CEP112: variants seen among roughly 807,000 people sequenced by gnomAD.
The protein encoded by CEP112 is centrosomal protein 112, also known as centrosomal protein of 112 kDa.
CEP112 carries 127 observed loss-of-function variants against 153.0 expected under a neutral mutation model. That is an observed-to-expected ratio of 0.83 (90% CI 0.72 to 0.96). CEP112 has a LOEUF of 0.96. CEP112 is among the 40% of genes least tolerant of loss of function. The pLI, the probability that CEP112 is intolerant of heterozygous loss-of-function variation, is 0.00. For missense variants in CEP112, 1,089 were observed against 1,101.2 expected (o/e 0.99, Z 0.16); for synonymous variants, 358 against 374.4 (o/e 0.96, Z 0.51).
chr17:66,077,032 G>A (rs572122485), intron 8 of CEP112, among the ~76,000 whole-genome samples: 2 of 152,274 alleles, frequency 1.3e-5, no homozygotes, highest in Admixed American at 6.5e-5. Flanking sequence ...GGAATACCCC[G>A]TGGGAAAAAA....
chr17:65,801,789 A>C (rs1389511428), intron 21 of CEP112, among the ~76,000 whole-genome samples: 1 of 152,214 alleles, frequency 6.6e-6, no homozygotes, highest in Admixed American at 6.5e-5. Flanking sequence ...ACATATTTCA[A>C]GTAACTTATT....
At chr17:65,769,622 C>G (rs1242456045) in intron 21 of CEP112, among the ~76,000 whole-genome samples, 1 of 151,938 alleles carries the variant, frequency 6.6e-6, no homozygotes, top group African/African-American at 2.4e-5. Context: ...ACATATATGG[C>G]CAACTAATTT....
rs148928728 is a variant in CEP112, at chr17:66,034,746, T to C, written c.1219-4723A>G. ...TGAAGCAATATTGTGACCTCAGCTA[T>C]CTGTATATCATTGAACAAAGTAACA... On this transcript the variant is annotated intron_variant, in intron 12 of 26. Coordinates refer to ENST00000535342, the MANE Select transcript of CEP112 (RefSeq NM_001199165.4). 2.6e-3 allele frequency among the ~76,000 whole-genome samples: 392 copies of C among 152,044 alleles called. 4 individuals carry two copies. Among genetic ancestry groups the C allele is most frequent in the African/African-American group, 8.7e-3 (361 of 41,482 alleles).
At chr17:65,969,851 A>C (rs1434184480) in intron 17 of CEP112, among the ~76,000 whole-genome samples, 2 of 152,212 alleles carry the variant, frequency 1.3e-5, no homozygotes, top group Non-Finnish European at 2.9e-5. Flanking sequence ...TATATATAGC[A>C]TGCATGCAAA....
chr17:65,916,352 G>C (rs1364891356), intron 19 of CEP112, among the ~76,000 whole-genome samples: 1 of 150,826 alleles, frequency 6.6e-6, no homozygotes, highest in Non-Finnish European at 1.5e-5. Flanking sequence ...CATCACAAGG[G>C]TAAAGACTCT....
chr17:65,851,886 T>C lies in CEP112; in HGVS notation c.2312A>G (p.Asn771Ser), dbSNP rs1411575329. 1.2e-6 allele frequency: 2 copies of C among 1,614,216 alleles called. No homozygotes were observed. The highest frequency in any genetic ancestry group is 8.5e-7 in the Non-Finnish European group (1 of 1,180,022). ...CTTTTCTGATTCAGCCTTCAGTTTA[T>C]TGACGACAATCTCATGTTCCCTTGT... Reference protein sequence around the residue: ...RATREHEIVVNKLKAESEKMK... With the variant: ...RATREHEIVVSKLKAESEKMK... Residue 771 changes from asparagine to serine, a missense_variant, in exon 21 of 27, where the codon AAT becomes AGT. Physicochemically the swap from Asn to Ser is conservative, Grantham distance 46. Transcript: ENST00000535342.
intron 24 of CEP112, among the ~76,000 whole-genome samples, chr17:65,657,577 C>T (rs186046329): frequency 2.6e-5 from 4 of 152,302 alleles, no homozygotes; most frequent in Admixed American, 2.6e-4. Flanking sequence ...GGGTGTTTTT[C>T]ACTTCTGTTT....
intron 20 of CEP112, among the ~76,000 whole-genome samples, chr17:65,868,001 C>A (rs899844908): frequency 6.6e-6 from 1 of 151,276 alleles, no homozygotes; most frequent in Non-Finnish European, 1.5e-5. Flanking sequence ...AACATAAAAT[C>A]GAAGTATATA....
intron 18 of CEP112, among the ~76,000 whole-genome samples, chr17:65,930,965 C>T (rs1334899014): frequency 6.6e-6 from 1 of 152,110 alleles, no homozygotes; most frequent in Non-Finnish European, 1.5e-5. Flanking sequence ...TCTCTCTATG[C>T]TCTAGGACTT....
chr17:65,739,791 C>G (rs1265684833), intron 23 of CEP112, among the ~76,000 whole-genome samples: 3 of 152,100 alleles, frequency 2.0e-5, no homozygotes, highest in Admixed American at 2.0e-4. Context: ...TCTTTTTACA[C>G]TAAAGGAATT....
At chr17:65,715,820 A>G (rs1371779791) in intron 23 of CEP112, among the ~76,000 whole-genome samples, 9 of 152,196 alleles carry the variant, frequency 5.9e-5, no homozygotes, top group Admixed American at 5.9e-4. Flanking sequence ...GGTGGTTATC[A>G]GAGTTGAATG....
intron 16 of CEP112, among the ~76,000 whole-genome samples, chr17:66,022,019 G>A (rs1443285): frequency 0.93 from 141,003 of 152,216 alleles, 65,537 homozygotes; most frequent in East Asian, 0.97. Flanking sequence ...TGGGAATAAC[G>A]TAAGATTCCC....
chr17:65,906,785 A>G (rs73346805), intron 19 of CEP112, among the ~76,000 whole-genome samples: 1,745 of 152,280 alleles, frequency 0.011, 40 homozygotes, highest in African/African-American at 0.04. Flanking sequence ...GAGAGATTTC[A>G]TATTGTATTG....
At chr17:65,808,685 G>A (rs2055762715) in intron 21 of CEP112, among the ~76,000 whole-genome samples, 1 of 152,072 alleles carries the variant, frequency 6.6e-6, no homozygotes, top group South Asian at 2.1e-4. Context: ...ATGGGAAGAT[G>A]TGCCTTGTTT....
intron 21 of CEP112, among the ~76,000 whole-genome samples, chr17:65,765,666 C>T (rs2052920529): frequency 6.6e-6 from 1 of 152,016 alleles, no homozygotes. Flanking sequence ...CTACTGTGAA[C>T]TCTCACAATA....
chr17:66,168,403 G>A (rs2146816745), intron 4 of CEP112, among the ~76,000 whole-genome samples: 1 of 132,592 alleles, frequency 7.5e-6, no homozygotes, highest in African/African-American at 2.5e-5. Context: ...GTATATATAT[G>A]TGTATATGTG....
At chr17:65,870,894 T>C (rs2058651647) in intron 20 of CEP112, among the ~76,000 whole-genome samples, 1 of 152,220 alleles carries the variant, frequency 6.6e-6, no homozygotes. Flanking sequence ...TTCAAGTAAT[T>C]GGAGAGAAGG....
At chr17:65,678,899 A>G (rs2085223149) in intron 24 of CEP112, among the ~76,000 whole-genome samples, 1 of 152,154 alleles carries the variant, frequency 6.6e-6, no homozygotes, top group African/African-American at 2.4e-5. Context: ...ATCTCAAGAA[A>G]GCAAAGATGA....
chr17:65,684,011 G>A (rs956972133), intron 24 of CEP112, among the ~76,000 whole-genome samples: 2 of 152,120 alleles, frequency 1.3e-5, no homozygotes, highest in African/African-American at 4.8e-5. Context: ...ACTGCATTCA[G>A]CCTAGGCAAC....
Sources: gnomAD v4.1 joint callset for allele counts (sites outside exome capture counted in the v4.1 genomes callset) on GRCh38, gnomAD v4.1.1 for gene constraint, MANE v1.5 for transcripts, NCBI Gene and HGNC (gene_info 2026-07-23, HGNC 2026-07-21) for gene names.